The following TENM2 variants were observed in gnomAD, a reference collection of about 807,000 sequenced individuals.
TENM2 encodes teneurin-2.
Under a neutral mutation model 245.2 loss-of-function variants are expected in TENM2, and 52 were observed. The observed-to-expected ratio is 0.21, with a 90% CI of 0.17 to 0.27. TENM2 has a LOEUF of 0.27. Ranked by LOEUF, TENM2 falls within the 10% of genes least tolerant of loss-of-function variation. The pLI, the probability that TENM2 is intolerant of heterozygous loss-of-function variation, is 1.00. For missense variants in TENM2, 3,046 were observed against 3,666.8 expected (o/e 0.83, Z 4.37); for synonymous variants, 1,363 against 1,438.9 (o/e 0.95, Z 1.19).
At chr5:167,550,223 G>A (rs1353856952) in intron 2 of TENM2, among the ~76,000 whole-genome samples, 1 of 152,116 alleles carries the variant, frequency 6.6e-6, no homozygotes, top group Non-Finnish European at 1.5e-5. Context: ...AGCATATGGT[G>A]CAGTGAATAT....
intron 12 of TENM2, among the ~76,000 whole-genome samples, chr5:168,138,333 C>T (rs1453555015): frequency 6.6e-6 from 1 of 152,216 alleles, no homozygotes; most frequent in African/African-American, 2.4e-5. Flanking sequence ...TGATGGAGAG[C>T]ACTTAACATA....
intron 7 of TENM2, among the ~76,000 whole-genome samples, chr5:168,067,126 G>A (rs890175741): frequency 1.3e-5 from 2 of 152,172 alleles, no homozygotes; most frequent in African/African-American, 2.4e-5. Context: ...CCACAATCCT[G>A]TTTAGCAAAT....
chr5:168,031,213 T>C (rs1287937384), intron 5 of TENM2, among the ~76,000 whole-genome samples: 1 of 152,328 alleles, frequency 6.6e-6, no homozygotes, highest in South Asian at 2.1e-4. Context: ...TCAATAGAGA[T>C]GAATGTCCTC....
chr5:168,146,861 C>A (rs1368985271), intron 12 of TENM2, among the ~76,000 whole-genome samples: 1 of 152,180 alleles, frequency 6.6e-6, no homozygotes, highest in Non-Finnish European at 1.5e-5. Context: ...TGCACTTTGC[C>A]CCCAGGTAGT....
chr5:167,221,236 A>G, the TENM2 span, among the ~76,000 whole-genome samples: 1 of 152,166 alleles, frequency 6.6e-6, no homozygotes, highest in Admixed American at 6.5e-5. Flanking sequence ...TGGAAGGGCA[A>G]ATGTGGAAGT....
intron 3 of TENM2, among the ~76,000 whole-genome samples, chr5:167,921,109 A>G (rs1011338021): frequency 3.3e-5 from 5 of 152,246 alleles, no homozygotes; most frequent in Admixed American, 2.0e-4. Flanking sequence ...CTAAGAAAAT[A>G]TATGATTTCA....
At chr5:167,416,185 T>A (rs10072266) in intron 2 of TENM2, among the ~76,000 whole-genome samples, 4,362 of 152,274 alleles carry the variant, frequency 0.029, 213 homozygotes, top group African/African-American at 0.099. Flanking sequence ...TTGGATGATT[T>A]TCAGGGAATA....
intron 4 of TENM2, among the ~76,000 whole-genome samples, chr5:167,975,062 G>A (rs962339097): frequency 6.6e-6 from 1 of 152,194 alleles, no homozygotes; most frequent in African/African-American, 2.4e-5. Context: ...TCTGCCACTT[G>A]CAAAGCAAAT....
the TENM2 span, among the ~76,000 whole-genome samples, chr5:167,268,989 A>G: frequency 6.6e-6 from 1 of 151,924 alleles, no homozygotes; most frequent in East Asian, 1.9e-4. Context: ...TCAGGAGCCA[A>G]CTCCTACACT....
the TENM2 span, among the ~76,000 whole-genome samples, chr5:167,204,745 C>G: frequency 6.6e-6 from 1 of 152,118 alleles, no homozygotes; most frequent in African/African-American, 2.4e-5. Context: ...TTGACAAAAG[C>G]TTTCTTCAAA....
Position 167,608,266 on chromosome 5 carries a change from C to T in TENM2, c.502+232793C>T, listed in dbSNP as rs1373067268. Among the ~76,000 whole-genome samples the T allele has an allele frequency of 2.0e-5, 3 of 152,294 alleles. No individual in the cohort carries two copies. In the East Asian group the frequency reaches 5.8e-4, roughly 29 times the overall value. On this transcript the variant is annotated intron_variant, in intron 2 of 28. Transcript: ENST00000518659. ...ATATTTCTTATTCTAGTTTTTGGTG[C>T]TCAGAGATGCCAAGTGGCTCATCTT...
intron 25 of TENM2, among the ~76,000 whole-genome samples, chr5:168,236,954 A>T (rs1562318475): frequency 5.3e-3 from 6 of 1,122 alleles, no homozygotes; most frequent in Non-Finnish European, 8.7e-3. Flanking sequence ...ATATATATAT[A>T]TATATATATA....
At chr5:167,903,017 A>C (rs922131480) in intron 3 of TENM2, among the ~76,000 whole-genome samples, 1 of 152,260 alleles carries the variant, frequency 6.6e-6, no homozygotes, top group African/African-American at 2.4e-5. Context: ...TGATGGATAC[A>C]TTAATTAGCT....
At chr5:167,153,446 A>G in the TENM2 span, among the ~76,000 whole-genome samples, 1 of 152,056 alleles carries the variant, frequency 6.6e-6, no homozygotes, top group Admixed American at 6.6e-5. Flanking sequence ...TCAAACGTTG[A>G]GTAGACTCAG....
chr5:167,041,517 CTG>C, the TENM2 span, among the ~76,000 whole-genome samples: 1 of 152,162 alleles, frequency 6.6e-6, no homozygotes, highest in East Asian at 1.9e-4. Context: ...AATAGGCAAA[CTG>C]TGAAGTGTCC....
At chr5:166,990,671 A>T in the TENM2 span, among the ~76,000 whole-genome samples, 1 of 152,236 alleles carries the variant, frequency 6.6e-6, no homozygotes, top group African/African-American at 2.4e-5. Flanking sequence ...ATGATAATGA[A>T]GATATTTAAA....
intron 3 of TENM2, among the ~76,000 whole-genome samples, chr5:167,914,699 AT>A (rs996476192): frequency 4.6e-4 from 70 of 152,242 alleles, no homozygotes; most frequent in African/African-American, 1.7e-3. Flanking sequence ...CAGCAGGGCC[AT>A]GCTCCCTGAG....
At chr5:167,707,013 T>TAA (rs34373602) in intron 2 of TENM2, among the ~76,000 whole-genome samples, 137 of 70,052 alleles carry the variant, frequency 2.0e-3, no homozygotes, top group East Asian at 4.6e-3. Context: ...AGACTCCGCC[T>TAA]AAAAAAAAAA....
intron 5 of TENM2, among the ~76,000 whole-genome samples, chr5:168,035,390 G>A (rs558726042): frequency 2.4e-4 from 37 of 152,012 alleles, no homozygotes; most frequent in African/African-American, 7.7e-4. Flanking sequence ...CCAGCTACTC[G>A]GGAGGCTGAG....
Sources: gnomAD v4.1 joint callset for allele counts (sites outside exome capture counted in the v4.1 genomes callset) on GRCh38, gnomAD v4.1.1 for gene constraint, MANE v1.5 for transcripts, NCBI Gene and HGNC (gene_info 2026-07-23, HGNC 2026-07-21) for gene names.